Variants in SUPT3H observed in about 807,000 individuals in gnomAD.
The protein encoded by SUPT3H is transcription initiation protein SPT3 homolog.
SUPT3H carries 44 observed loss-of-function variants against 44.3 expected under a neutral mutation model. The ratio of observed to expected loss-of-function variants is 0.99; its 90% CI spans 0.78 to 1.28. The LOEUF (loss-of-function observed/expected upper bound fraction) is 1.28. Ranked by LOEUF, SUPT3H falls within the 50% of genes most tolerant of loss-of-function variation. The probability of loss-of-function intolerance (pLI) is 0.00; values close to 1 mark genes in which losing one functional copy is unlikely to be tolerated. For synonymous variants in SUPT3H, 124 were observed against 125.6 expected, an observed-to-expected ratio of 0.99 and a Z score of 0.09; for missense variants, 380 against 387.1, an observed-to-expected ratio of 0.98 and a Z score of 0.15.
intron 2 of SUPT3H, among the ~76,000 whole-genome samples, chr6:45,299,354 T>C (rs1025319677): frequency 1.4e-5 from 2 of 147,238 alleles, no homozygotes; most frequent in Admixed American, 6.8e-5. Context: ...AAAAAAGAAT[T>C]GTATGAAGTA....
At chr6:45,063,174 C>T (rs904058607) in intron 3 of SUPT3H, among the ~76,000 whole-genome samples, 1 of 145,690 alleles carries the variant, frequency 6.9e-6, no homozygotes, top group African/African-American at 2.6e-5. Context: ...AGCAGCCTAA[C>T]TGGGAGGCAC....
At chr6:44,914,848 T>C (rs1767572809) in intron 10 of SUPT3H, among the ~76,000 whole-genome samples, 1 of 152,168 alleles carries the variant, frequency 6.6e-6, no homozygotes, top group South Asian at 2.1e-4. Flanking sequence ...TACCTGAGGA[T>C]ACAGGTCCTC....
intron 3 of SUPT3H, among the ~76,000 whole-genome samples, chr6:45,101,681 A>C (rs1177417627): frequency 6.6e-6 from 1 of 152,192 alleles, no homozygotes; most frequent in African/African-American, 2.4e-5. Context: ...TAAATGTTTA[A>C]GGTAACGAAT....
intron 2 of SUPT3H, among the ~76,000 whole-genome samples, chr6:45,242,059 G>A (rs574132650): frequency 6.6e-6 from 1 of 152,072 alleles, no homozygotes; most frequent in Non-Finnish European, 1.5e-5. Flanking sequence ...TCCACTTGTG[G>A]AAACTACAGA....
At chr6:45,283,841 G>A (rs1778658278) in intron 2 of SUPT3H, among the ~76,000 whole-genome samples, 1 of 152,120 alleles carries the variant, frequency 6.6e-6, no homozygotes. Flanking sequence ...TGGAAGTAAA[G>A]TACTCCTCAG....
At chr6:44,888,142 G>T (rs1762638107) in intron 10 of SUPT3H, among the ~76,000 whole-genome samples, 1 of 152,214 alleles carries the variant, frequency 6.6e-6, no homozygotes, top group Middle Eastern at 3.4e-3. Flanking sequence ...CAACCAAAAA[G>T]TGTCCAGGAC....
chr6:45,234,517 C>T lies in SUPT3H; in HGVS notation c.102-128511G>A, dbSNP rs142169577. On this transcript the variant is annotated intron_variant, in intron 2 of 10. Transcript: ENST00000371459. ...CTGCACTCCTGCCTGGGAGACAGAA[C>T]GAGACGCTGTCACAAAAAAAAAAAA... Among the ~76,000 whole-genome samples the T allele has an allele frequency of 8.8e-3, 1,132 of 128,472 alleles. 23 individuals carry two copies. Among genetic ancestry groups the T allele is most frequent in the African/African-American group, 0.03 (1,070 of 35,202 alleles). The allele number at this position is 128,472 out of a possible 152,430, so 84.3% of individuals were successfully genotyped here.
chr6:45,290,839 A>T (rs1164941252), intron 2 of SUPT3H, among the ~76,000 whole-genome samples: 1 of 152,152 alleles, frequency 6.6e-6, no homozygotes, highest in African/African-American at 2.4e-5. Context: ...AGGCTTTTCT[A>T]GTCTCATTTC....
chr6:45,121,521 G>C (rs867495994), intron 2 of SUPT3H, among the ~76,000 whole-genome samples: 3 of 151,296 alleles, frequency 2.0e-5, no homozygotes, highest in African/African-American at 7.3e-5. Flanking sequence ...AATTATGTGG[G>C]GGGGGGGGTG....
intron 6 of SUPT3H, among the ~76,000 whole-genome samples, chr6:44,982,685 C>G (rs866482084): frequency 1.0e-4 from 15 of 149,192 alleles, no homozygotes; most frequent in African/African-American, 2.2e-4. Context: ...TATCTCTCCT[C>G]TATCTTGCAC....
intron 3 of SUPT3H, among the ~76,000 whole-genome samples, chr6:45,069,212 T>C (rs1002493547): frequency 6.6e-6 from 1 of 152,128 alleles, no homozygotes; most frequent in African/African-American, 2.4e-5. Context: ...AGATTGTAAA[T>C]ACCACAATAA....
At chr6:44,876,963 A>C (rs1284674913) in intron 10 of SUPT3H, among the ~76,000 whole-genome samples, 1 of 152,178 alleles carries the variant, frequency 6.6e-6, no homozygotes, top group Non-Finnish European at 1.5e-5. Context: ...TAACCTACTT[A>C]GAAATGCATT....
intron 6 of SUPT3H, among the ~76,000 whole-genome samples, chr6:44,981,192 G>A (rs1390118329): frequency 6.6e-6 from 1 of 152,126 alleles, no homozygotes; most frequent in African/African-American, 2.4e-5. Context: ...GATATGAGGG[G>A]TAAAGTGATT....
intron 2 of SUPT3H, among the ~76,000 whole-genome samples, chr6:45,256,961 G>A (rs145161375): frequency 6.6e-6 from 1 of 152,314 alleles, no homozygotes; most frequent in African/African-American, 2.4e-5. Context: ...CCCAGATGTA[G>A]AATTGCTAGG....
intron 9 of SUPT3H, among the ~76,000 whole-genome samples, chr6:44,950,478 G>A (rs951519488): frequency 6.6e-6 from 1 of 152,184 alleles, no homozygotes; most frequent in African/African-American, 2.4e-5. Flanking sequence ...GCCGAGCATA[G>A]TGGTGTGCCT....
At chr6:45,066,188 A>G (rs533275478) in intron 3 of SUPT3H, among the ~76,000 whole-genome samples, 1 of 150,826 alleles carries the variant, frequency 6.6e-6, no homozygotes. Context: ...TCCAGCATAT[A>G]AACAGAGCCA....
intron 2 of SUPT3H, among the ~76,000 whole-genome samples, chr6:45,243,197 C>CAAA (rs61643038): frequency 0.35 from 25,396 of 71,704 alleles, 6,540 homozygotes; most frequent in East Asian, 0.66. Context: ...GACTCCTTCT[C>CAAA]AAAAAAAAAA....
downstream of SUPT3H, among the ~76,000 whole-genome samples, chr6:44,825,800 A>G (rs1485363345): frequency 6.6e-6 from 1 of 151,224 alleles, no homozygotes; most frequent in Non-Finnish European, 1.5e-5. Flanking sequence ...TTTTTTTCCT[A>G]TCTATCTATC....
At chr6:45,053,740 C>CAAAA (rs57736879) in intron 3 of SUPT3H, among the ~76,000 whole-genome samples, 1 of 59,442 alleles carries the variant, frequency 1.7e-5, no homozygotes, top group Non-Finnish European at 3.1e-5. Context: ...ACTAAAAATA[C>CAAAA]AAAAAAAAAA....
Sources: allele counts gnomAD v4.1 joint callset (sites outside exome capture counted in the v4.1 genomes callset), GRCh38; gene constraint gnomAD v4.1.1; transcripts MANE v1.5; gene names NCBI Gene and HGNC (gene_info 2026-07-23, HGNC 2026-07-21).